The following HYDIN variants were observed in gnomAD, a reference collection of about 807,000 sequenced individuals.
The protein encoded by HYDIN is HYDIN axonemal central pair apparatus protein, also known as axonemal central pair apparatus protein HYDIN.
In HYDIN, 132 loss-of-function variants were observed where a neutral mutation model predicts 403.9. That is an observed-to-expected ratio of 0.33 (90% CI 0.28 to 0.38). The LOEUF (loss-of-function observed/expected upper bound fraction) is 0.38, where lower values mean the gene tolerates loss of function less well. Among genes scored for constraint, HYDIN ranks in the 10% least tolerant of loss-of-function variants. The pLI is 1.00. For synonymous variants in HYDIN, 1,202 were observed against 1,891.7 expected (o/e 0.64, Z 9.46); for missense variants, 2,827 against 5,009.5 (o/e 0.56, Z 13.15).
intron 1 of HYDIN, among the ~76,000 whole-genome samples, chr16:71,209,998 C>G (rs528902465): frequency 6.6e-6 from 1 of 152,310 alleles, no homozygotes; most frequent in Admixed American, 6.5e-5. Context: ...TCCTATCATA[C>G]TAGCGGTAAT....
intron 1 of HYDIN, among the ~76,000 whole-genome samples, chr16:71,211,325 G>A (rs1451764748): frequency 6.6e-6 from 1 of 152,154 alleles, no homozygotes; most frequent in Non-Finnish European, 1.5e-5. Flanking sequence ...AAAAGATGCT[G>A]AGGTACCTGG....
rs371498063 is a variant in HYDIN, at chr16:70,829,628, C to A, written c.14102G>T (p.Arg4701Leu). 4 of 1,612,812 alleles carry A rather than the reference C, an allele frequency of 2.5e-6. No individual in the cohort carries two copies. The highest frequency in any genetic ancestry group is 3.3e-5 in the Admixed American group (2 of 60,020). ...YRPRTMNLEN[R>L]KHQGTLFFPL... is the part of the protein sequence containing the mutation. ...GGGACCTCAGTCTACCTGGTGCTTG[C>A]GGTTCTCCAAGTTCATGGTGCGGGG... Residue 4701 changes from arginine to leucine, a missense_variant, in exon 81 of 86, where the codon CGC (arginine) becomes CTC (leucine). Transcript: ENST00000393567.
In HYDIN at chr16:70,974,271, T is replaced by C; in HGVS notation, c.4939A>G (p.Asn1647Asp). 6.2e-7 allele frequency: 1 copy of C among 1,613,014 alleles called. No individual in the cohort carries two copies. The highest frequency in any genetic ancestry group is 8.5e-7 in the Non-Finnish European group (1 of 1,179,478). Residue 1647 changes from asparagine to aspartate, a missense_variant, in exon 33 of 86, where the codon AAT (asparagine) becomes GAT (aspartate). Transcript: ENST00000393567. ...GFSTELDRVKNLPHCETEIFE... is the reference protein window; with the variant it reads ...GFSTELDRVKDLPHCETEIFE... Reference sequence around the variant, plus strand: ...ATTTCCGTTTCACAATGAGGTAGATTCTTTACACGATCTAGCTCAGTACTG... The same window carrying C: ...ATTTCCGTTTCACAATGAGGTAGATCCTTTACACGATCTAGCTCAGTACTG...
In HYDIN at chr16:70,964,789, T is replaced by A. The variant is rs1177996760; in HGVS notation, c.5727A>T (p.Ile1909=). The A allele has an allele frequency of 6.3e-7, 1 of 1,578,862 alleles. No homozygotes were observed. The highest frequency in any genetic ancestry group is 1.3e-5 in the African/African-American group (1 of 74,746). ...TCATCTGCTCCTCTTTTGACTTCTT[T>A]ATCTCTTTGAAGTACTCGTACAGTT... ...PPELYEYFKE[I]KKSKEEQMRA... is the part of the protein sequence containing the mutation. Residue 1909 remains isoleucine, a synonymous_variant, in exon 37 of 86, where the codon ATA becomes ATT. Transcript: ENST00000393567.
At chr16:71,141,282 C>CT (rs2085159603) in intron 7 of HYDIN, among the ~76,000 whole-genome samples, 1 of 149,564 alleles carries the variant, frequency 6.7e-6, no homozygotes, top group African/African-American at 2.4e-5. Context: ...AACTTCATAG[C>CT]CATATGAAAA....
chr16:71,215,342 T>C (rs1473377677), intron 1 of HYDIN, among the ~76,000 whole-genome samples: 1 of 151,872 alleles, frequency 6.6e-6, no homozygotes, highest in Non-Finnish European at 1.5e-5. Flanking sequence ...ATGTATTTCA[T>C]GGTAGCAAAA....
At chr16:71,166,115 G>C (rs2086213705) in intron 5 of HYDIN, among the ~76,000 whole-genome samples, 1 of 142,390 alleles carries the variant, frequency 7.0e-6, no homozygotes, top group Admixed American at 7.1e-5. Flanking sequence ...AGATGACACA[G>C]ATGTGGACTT....
intron 1 of HYDIN, among the ~76,000 whole-genome samples, chr16:71,220,928 T>C (rs2089168574): frequency 1.3e-5 from 2 of 152,118 alleles, no homozygotes; most frequent in Admixed American, 6.5e-5. Flanking sequence ...CTCAAAAGCA[T>C]CAAAAAGCTA....
At chr16:70,887,809 G>A (rs1342600329) in intron 58 of HYDIN, among the ~76,000 whole-genome samples, 2 of 150,212 alleles carry the variant, frequency 1.3e-5, no homozygotes, top group African/African-American at 4.9e-5. Context: ...TCAGCCTCTC[G>A]AGTAGCTGGG....
chr16:71,016,127 T>C lies in HYDIN; in HGVS notation c.3644+2002A>G, dbSNP rs547101477. On this transcript the variant is annotated intron_variant, in intron 23 of 85. Transcript: ENST00000393567. ...CAACAAAACCAAAAGTAAACAAGTATGACCACACCAAACTAAAAAGCTTCT... is the reference window on the plus strand; with the variant it reads ...CAACAAAACCAAAAGTAAACAAGTACGACCACACCAAACTAAAAAGCTTCT... Among the ~76,000 whole-genome samples, 19 of 152,168 alleles carry C rather than the reference T, an allele frequency of 1.2e-4. No homozygotes were observed. The East Asian group carries it at 3.1e-3, about 25-fold the overall frequency.
intron 9 of HYDIN, among the ~76,000 whole-genome samples, chr16:71,118,517 T>A (rs1341009051): frequency 6.6e-6 from 1 of 152,166 alleles, no homozygotes; most frequent in East Asian, 1.9e-4. Flanking sequence ...AGCAGACACC[T>A]ATTCATCTCT....
chr16:70,976,812 G>C (rs1216837242), intron 30 of HYDIN, among the ~76,000 whole-genome samples: 2 of 152,246 alleles, frequency 1.3e-5, no homozygotes, highest in Non-Finnish European at 2.9e-5. Context: ...TAATGGAAAA[G>C]GTTGAGAAAT....
chr16:71,207,715 G>C (rs2088372774), intron 1 of HYDIN, among the ~76,000 whole-genome samples: 1 of 152,036 alleles, frequency 6.6e-6, no homozygotes, highest in Non-Finnish European at 1.5e-5. Context: ...TTGAAGTAAA[G>C]GGATGGAGAA....
At chr16:71,221,798 A>C (rs2089214823) in intron 1 of HYDIN, among the ~76,000 whole-genome samples, 1 of 152,238 alleles carries the variant, frequency 6.6e-6, no homozygotes, top group East Asian at 1.9e-4. Context: ...AATCAAGTTT[A>C]GCCTAAAGCT....
intron 73 of HYDIN, 89 bp downstream of exon 73, chr16:70,855,039 A>AT (rs1252202922): frequency 1.4e-6 from 1 of 732,922 alleles, no homozygotes; most frequent in Non-Finnish European, 2.3e-6. Flanking sequence ...AAGCAATTAT[A>AT]TAAATGGGGC....
chr16:71,003,831 C>T (rs1255165983), intron 23 of HYDIN, among the ~76,000 whole-genome samples: 1 of 151,636 alleles, frequency 6.6e-6, no homozygotes, highest in Non-Finnish European at 1.5e-5. Context: ...AATTTTATAA[C>T]TTTATATCAA....
chr16:71,189,626 G>C (rs904156759), intron 1 of HYDIN, among the ~76,000 whole-genome samples: 1 of 151,984 alleles, frequency 6.6e-6, no homozygotes, highest in Admixed American at 6.6e-5. Context: ...AATTAGCTAG[G>C]CATAGTGGCA....
At chr16:71,085,855 T>C (rs2082916807) in intron 12 of HYDIN, among the ~76,000 whole-genome samples, 1 of 152,184 alleles carries the variant, frequency 6.6e-6, no homozygotes, top group Non-Finnish European at 1.5e-5. Context: ...AAATCTAAAG[T>C]GTGGTATCTT....
At chr16:70,931,536 C>T (rs1464219981) in intron 45 of HYDIN, among the ~76,000 whole-genome samples, 4 of 151,740 alleles carry the variant, frequency 2.6e-5, no homozygotes, top group Admixed American at 2.0e-4. Context: ...AGTCTCATGC[C>T]CCAGCCCAGA....
Sources: gnomAD v4.1 joint callset for allele counts (sites outside exome capture counted in the v4.1 genomes callset) on GRCh38, gnomAD v4.1.1 for gene constraint, MANE v1.5 for transcripts, NCBI Gene and HGNC (gene_info 2026-07-23, HGNC 2026-07-21) for gene names.